The following CNTN3 variants were observed in gnomAD, a reference collection of about 807,000 sequenced individuals.
The protein encoded by CNTN3 is contactin 3, also known as contactin-3.
CNTN3 carries 60 observed loss-of-function variants against 119.1 expected under a neutral mutation model. The observed-to-expected ratio is 0.50, with a 90% confidence interval of 0.41 to 0.62. The LOEUF (loss-of-function observed/expected upper bound fraction) is 0.62. Among genes scored for constraint, CNTN3 ranks in the 20% least tolerant of loss-of-function variants. The pLI, the probability that CNTN3 is intolerant of heterozygous loss-of-function variation, is 0.00. For synonymous variants in CNTN3, 450 were observed against 438.7 expected (o/e 1.03, Z -0.32); for missense variants, 1,101 against 1,242.4 (o/e 0.89, Z 1.71).
At chr3:74,324,769 A>G (rs2106682936) in intron 13 of CNTN3, among the ~76,000 whole-genome samples, 1 of 152,298 alleles carries the variant, frequency 6.6e-6, no homozygotes, top group East Asian at 1.9e-4. Flanking sequence ...AGAAGAAGGT[A>G]GACTTGTTTG....
intron 1 of CNTN3, among the ~76,000 whole-genome samples, chr3:74,540,874 A>G (rs960723297): frequency 6.6e-6 from 1 of 152,200 alleles, no homozygotes; most frequent in Admixed American, 6.6e-5. Flanking sequence ...ATACACAGGC[A>G]GTATATTTAA....
chr3:74,361,180 C>G (rs1704065658), intron 11 of CNTN3, among the ~76,000 whole-genome samples: 1 of 152,046 alleles, frequency 6.6e-6, no homozygotes, highest in South Asian at 2.1e-4. Flanking sequence ...ACAGCCAATA[C>G]TTACGCTTAC....
intron 1 of CNTN3, among the ~76,000 whole-genome samples, chr3:74,613,821 T>C (rs960860475): frequency 2.0e-5 from 3 of 152,190 alleles, no homozygotes; most frequent in African/African-American, 4.8e-5. Context: ...TCAGGAAACC[T>C]GGACTACAGC....
chr3:74,418,342 C>CTTT lies in CNTN3; in HGVS notation c.454+6500_454+6502dup, dbSNP rs56258495. Among the ~76,000 whole-genome samples, 26 of 99,632 alleles carry CTTT rather than the reference C, an allele frequency of 2.6e-4. 2 individuals are homozygous for CTTT. Among genetic ancestry groups the CTTT allele is most frequent in the African/African-American group, 7.9e-4 (20 of 25,470 alleles). The allele number at this position is 99,632 out of a possible 152,430, so 65.4% of individuals were successfully genotyped here. On this transcript the variant is annotated intron_variant, in intron 5 of 22. Coordinates refer to ENST00000263665, the MANE Select transcript of CNTN3 (RefSeq NM_020872.3). ...CATGTCCACTGCAGAAAACATATTCCTTTTTTTTTTTTTTTTTGAGTCAGA... is the reference window on the plus strand; with the variant it reads ...CATGTCCACTGCAGAAAACATATTCCTTTTTTTTTTTTTTTTTTTTGAGTCAGA...
intron 1 of CNTN3, among the ~76,000 whole-genome samples, chr3:74,524,761 G>T (rs970482925): frequency 3.3e-5 from 5 of 151,768 alleles, no homozygotes; most frequent in Non-Finnish European, 7.4e-5. Context: ...CCAGAATTCT[G>T]CTCTAGCCCA....
At chr3:74,558,572 T>C (rs747558865) in intron 1 of CNTN3, among the ~76,000 whole-genome samples, 12 of 152,224 alleles carry the variant, frequency 7.9e-5, no homozygotes, top group South Asian at 2.1e-4. Flanking sequence ...GCATAGTCTT[T>C]GGTGTATTAA....
intron 4 of CNTN3, among the ~76,000 whole-genome samples, chr3:74,441,330 A>G (rs902441751): frequency 2.0e-5 from 3 of 152,226 alleles, no homozygotes; most frequent in African/African-American, 4.8e-5. Flanking sequence ...CCATGGAAAC[A>G]TCGCTATCAG....
chr3:74,536,337 C>A (rs529525811), intron 1 of CNTN3, among the ~76,000 whole-genome samples: 2 of 152,128 alleles, frequency 1.3e-5, no homozygotes, highest in South Asian at 4.1e-4. Context: ...TCTAATTGTA[C>A]CCTATACTAA....
At chr3:74,508,373 T>C (rs1363091803) in intron 2 of CNTN3, among the ~76,000 whole-genome samples, 2 of 152,168 alleles carry the variant, frequency 1.3e-5, no homozygotes, top group African/African-American at 4.8e-5. Flanking sequence ...TGGCAGTTCT[T>C]AATAGCAGTA....
intron 1 of CNTN3, among the ~76,000 whole-genome samples, chr3:74,565,830 A>G (rs1704217890): frequency 6.6e-6 from 1 of 152,112 alleles, no homozygotes; most frequent in South Asian, 2.1e-4. Flanking sequence ...CTGTGTCCCC[A>G]CCCAAATCTC....
intron 4 of CNTN3, among the ~76,000 whole-genome samples, chr3:74,448,063 TC>T (rs1449342936): frequency 1.3e-5 from 2 of 152,168 alleles, no homozygotes; most frequent in African/African-American, 4.8e-5. Context: ...AGCTTTGTCT[TC>T]TATGCTATGT....
In CNTN3 at chr3:74,318,110, T is replaced by C. The variant is rs972814746; in HGVS notation, c.1669-15303A>G. Among the ~76,000 whole-genome samples the C allele has an allele frequency of 1.2e-4, 19 of 152,358 alleles. 1 individual carries two copies. Among genetic ancestry groups the C allele is most frequent in the Admixed American group, 9.1e-4 (14 of 15,306 alleles). ...ATTTCATCTTCCATCACTGATACCC[T>C]TTCTTCCAGTTGATCGCATCAGCTC... On this transcript the variant is annotated intron_variant, in intron 13 of 22. Transcript: ENST00000263665.
chr3:74,480,655 A>C (rs1247434082), intron 4 of CNTN3, among the ~76,000 whole-genome samples: 2 of 151,976 alleles, frequency 1.3e-5, no homozygotes, highest in East Asian at 1.9e-4. Context: ...AAAAATAAAA[A>C]AATATAGATG....
chr3:74,415,390 T>C (rs1701504047), intron 5 of CNTN3, among the ~76,000 whole-genome samples: 1 of 152,176 alleles, frequency 6.6e-6, no homozygotes, highest in Admixed American at 6.5e-5. Context: ...CCTGACTCTT[T>C]CCAGAGCTCT....
intron 13 of CNTN3, among the ~76,000 whole-genome samples, chr3:74,314,011 T>A (rs780938865): frequency 1.1e-4 from 16 of 152,208 alleles, no homozygotes; most frequent in Non-Finnish European, 2.4e-4. Context: ...GGAAAATATT[T>A]TAATTTCCTT....
At position 74,363,498 on chromosome 3, in the gene CNTN3, C is replaced by A. The variant is rs577192335; in HGVS notation, c.1213+969G>T. On this transcript the variant is annotated intron_variant, in intron 10 of 22. Transcript: ENST00000263665. The stretch of plus-strand genomic sequence containing the variant: ...AGACATTTCTAAATTTCCCTCAGGG[C>A]AAAATTGTCCCTGGTTGAGAAACAC... 3.9e-5 allele frequency among the ~76,000 whole-genome samples: 6 copies of A among 152,270 alleles called. No homozygotes were observed. The South Asian group carries it at 1.0e-3, about 26-fold the overall frequency.
chr3:74,480,050 A>G (rs980399632), intron 4 of CNTN3, among the ~76,000 whole-genome samples: 1 of 152,144 alleles, frequency 6.6e-6, no homozygotes, highest in Non-Finnish European at 1.5e-5. Flanking sequence ...TCCTTTACAA[A>G]GTCATAGTGA....
intron 1 of CNTN3, among the ~76,000 whole-genome samples, chr3:74,570,931 T>A (rs1309096660): frequency 2.0e-5 from 3 of 152,222 alleles, no homozygotes; most frequent in Non-Finnish European, 2.9e-5. Context: ...TAAGGGGATT[T>A]AATCTGTAGA....
chr3:74,338,756 G>T (rs1188603435), intron 11 of CNTN3, among the ~76,000 whole-genome samples: 2 of 151,986 alleles, frequency 1.3e-5, no homozygotes, highest in East Asian at 3.9e-4. Context: ...CTGTGTTAAG[G>T]TATATTTAAA....
Sources: allele counts gnomAD v4.1 joint callset (sites outside exome capture counted in the v4.1 genomes callset), GRCh38; gene constraint gnomAD v4.1.1; transcripts MANE v1.5; gene names NCBI Gene and HGNC (gene_info 2026-07-23, HGNC 2026-07-21).